Variants in SNTG1 observed in about 807,000 individuals in gnomAD.
SNTG1 encodes the protein gamma-1-syntrophin.
Under a neutral mutation model 74.7 loss-of-function variants are expected in SNTG1, and 39 were observed. The observed-to-expected ratio is 0.52, with a 90% CI of 0.40 to 0.68. The LOEUF (loss-of-function observed/expected upper bound fraction) is 0.68. Among genes scored for constraint, SNTG1 ranks in the 30% least tolerant of loss-of-function variants. The pLI is 0.00. For missense variants in SNTG1, 685 were observed against 609.5 expected, an observed-to-expected ratio of 1.12 and a Z score of -1.30; for synonymous variants, 254 against 217.1, an observed-to-expected ratio of 1.17 and a Z score of -1.49.
chr8:50,164,334 T>C (rs975179066), intron 1 of SNTG1: 1 of 152,194 alleles, frequency 6.6e-6, no homozygotes, highest in African/African-American at 2.4e-5. Flanking sequence ...TATCAAATTC[T>C]GAAAGGGGAC....
intron 2 of SNTG1, among the ~76,000 whole-genome samples, chr8:50,276,156 T>G (rs1398049300): frequency 6.6e-6 from 1 of 152,104 alleles, no homozygotes; most frequent in South Asian, 2.1e-4. Context: ...CAGCTGTGAT[T>G]TGCCACAGTA....
chr8:50,017,649 A>T (rs1816449361), intron 1 of SNTG1, among the ~76,000 whole-genome samples: 1 of 151,966 alleles, frequency 6.6e-6, no homozygotes, highest in South Asian at 2.1e-4. Flanking sequence ...CTTTAAGATA[A>T]AATGTTATAA....
intron 12 of SNTG1, among the ~76,000 whole-genome samples, chr8:50,565,868 A>C (rs1443366561): frequency 6.6e-6 from 1 of 152,044 alleles, no homozygotes; most frequent in African/African-American, 2.4e-5. Flanking sequence ...GTAAGAATAA[A>C]ATAAGAGAAT....
chr8:50,004,567 G>A (rs933240367), intron 1 of SNTG1, among the ~76,000 whole-genome samples: 1 of 152,032 alleles, frequency 6.6e-6, no homozygotes, highest in Non-Finnish European at 1.5e-5. Flanking sequence ...TTTTGGTAAG[G>A]CTGACTCCAT....
intron 15 of SNTG1, among the ~76,000 whole-genome samples, chr8:50,660,370 GA>G (rs2095213846): frequency 1.0e-5 from 1 of 99,558 alleles, no homozygotes; most frequent in Non-Finnish European, 2.0e-5. Context: ...GAGAGAGAGA[GA>G]AAGAAGGAAG....
chr8:50,653,763 G>A (rs1480861750), intron 13 of SNTG1, among the ~76,000 whole-genome samples: 1 of 152,064 alleles, frequency 6.6e-6, no homozygotes, highest in African/African-American at 2.4e-5. Context: ...GCCCTTGAAT[G>A]TTCTTTGGAT....
intron 9 of SNTG1, among the ~76,000 whole-genome samples, chr8:50,515,624 C>T (rs1413337747): frequency 1.3e-5 from 2 of 151,990 alleles, no homozygotes; most frequent in East Asian, 3.9e-4. Flanking sequence ...GGGGGAAGGG[C>T]GTCTACCATT....
At position 50,028,533 on chromosome 8, in the gene SNTG1, A is replaced by C. The variant is rs996208380; in HGVS notation, c.-103+116302A>C. On this transcript the variant is annotated intron_variant, in intron 1 of 18. Transcript: ENST00000642720. Reference sequence around the variant, plus strand: ...GGTGTATCTTTAAAAAAAAACTGCCAATGTATTTTCAGACTGAATGCACCG... The same window carrying C: ...GGTGTATCTTTAAAAAAAAACTGCCCATGTATTTTCAGACTGAATGCACCG... Among the ~76,000 whole-genome samples, 10 of 149,884 alleles carry C rather than the reference A, an allele frequency of 6.7e-5. No individual in the cohort carries two copies. In the South Asian group the frequency reaches 2.2e-3, roughly 32 times the overall value.
chr8:50,637,866 A>T (rs1563678470), intron 13 of SNTG1, among the ~76,000 whole-genome samples: 1 of 152,132 alleles, frequency 6.6e-6, no homozygotes, highest in African/African-American at 2.4e-5. Flanking sequence ...TTAAACATCA[A>T]ATAGTGTAAT....
At chr8:50,742,105 A>G (rs1056859211) in intron 17 of SNTG1, among the ~76,000 whole-genome samples, 2 of 151,948 alleles carry the variant, frequency 1.3e-5, no homozygotes, top group African/African-American at 4.8e-5. Context: ...TGAACATGAA[A>G]CTGCTCTCAA....
At chr8:50,286,725 T>G (rs1409362475) in intron 2 of SNTG1, 4 of 152,210 alleles carry the variant, frequency 2.6e-5, no homozygotes, top group Non-Finnish European at 5.9e-5. Context: ...GGGTTAAGGT[T>G]GGGGAATTTG....
At chr8:49,949,355 ATGAAT>A (rs550438521) in intron 1 of SNTG1, among the ~76,000 whole-genome samples, 1 of 152,224 alleles carries the variant, frequency 6.6e-6, no homozygotes, top group South Asian at 2.1e-4. Context: ...GAAAATCAAG[ATGAAT>A]ACTGAATCCT....
chr8:50,329,463 G>T (rs1228345121), intron 2 of SNTG1, among the ~76,000 whole-genome samples: 2 of 152,032 alleles, frequency 1.3e-5, no homozygotes, highest in African/African-American at 4.8e-5. Context: ...CTCAATTCTT[G>T]ACTTCTGTGT....
At chr8:50,438,216 A>G (rs1364710729) in intron 4 of SNTG1, among the ~76,000 whole-genome samples, 1 of 152,166 alleles carries the variant, frequency 6.6e-6, no homozygotes, top group African/African-American at 2.4e-5. Context: ...TTCTTAGAAA[A>G]TAAGAATACG....
At chr8:50,003,110 A>T (rs1814897154) in intron 1 of SNTG1, among the ~76,000 whole-genome samples, 1 of 152,190 alleles carries the variant, frequency 6.6e-6, no homozygotes, top group Admixed American at 6.5e-5. Context: ...ATAGGCAGTC[A>T]TATCTACTGG....
At position 50,787,111 on chromosome 8, in the gene SNTG1, T is replaced by C. The variant is rs563180314; in HGVS notation, c.1396-5560T>C. Among the ~76,000 whole-genome samples, 6 of 151,848 alleles carry C rather than the reference T, an allele frequency of 4.0e-5. No individual in the cohort carries two copies. In the South Asian group the frequency reaches 1.0e-3, roughly 26 times the overall value. Reference sequence around the variant, plus strand: ...CTGTTAAGGAGACTGTATGCAAATATATAAAGGGTTTTCAGAGAAAAAAAA... The same window carrying C: ...CTGTTAAGGAGACTGTATGCAAATACATAAAGGGTTTTCAGAGAAAAAAAA... On this transcript the variant is annotated intron_variant, in intron 18 of 18. Coordinates refer to ENST00000642720, the MANE Select transcript of SNTG1 (RefSeq NM_018967.5).
At chr8:50,473,611 A>G (rs898122294) in intron 8 of SNTG1, among the ~76,000 whole-genome samples, 6 of 152,196 alleles carry the variant, frequency 3.9e-5, no homozygotes, top group African/African-American at 1.4e-4. Context: ...AGATGCTTGC[A>G]ATCCCATGTT....
intron 4 of SNTG1, among the ~76,000 whole-genome samples, chr8:50,415,319 A>G (rs2093000720): frequency 6.6e-6 from 1 of 152,184 alleles, no homozygotes; most frequent in Non-Finnish European, 1.5e-5. Context: ...TAATATTTAA[A>G]TGAGATTGAA....
chr8:50,525,145 A>G (rs899003303), intron 9 of SNTG1, among the ~76,000 whole-genome samples: 22 of 152,102 alleles, frequency 1.4e-4, no homozygotes, highest in African/African-American at 5.1e-4. Flanking sequence ...TTTGCTGGGT[A>G]TGGTATTCTA....
Sources: allele counts gnomAD v4.1 joint callset (sites outside exome capture counted in the v4.1 genomes callset), GRCh38; gene constraint gnomAD v4.1.1; transcripts MANE v1.5; gene names NCBI Gene and HGNC (gene_info 2026-07-23, HGNC 2026-07-21).